Variants in SUPT3H observed in about 807,000 individuals in gnomAD.
SUPT3H encodes the protein transcription initiation protein SPT3 homolog.
A neutral mutation model predicts 44.3 loss-of-function variants in SUPT3H; 44 were observed. The ratio of observed to expected loss-of-function variants is 0.99; its 90% CI spans 0.78 to 1.28. The LOEUF is 1.28. Ranked by LOEUF, SUPT3H falls within the 50% of genes most tolerant of loss-of-function variation. The pLI is 0.00. For synonymous variants in SUPT3H, 124 were observed against 125.6 expected (o/e 0.99, Z 0.09); for missense variants, 380 against 387.1 (o/e 0.98, Z 0.15).
chr6:45,371,927 C>A, intron 1 of SUPT3H: 2 of 799,080 alleles, frequency 2.5e-6, no homozygotes, highest in Non-Finnish European at 1.5e-6. Context: ...TTGAACTGCC[C>A]AAGGACACAC....
intron 2 of SUPT3H, among the ~76,000 whole-genome samples, chr6:45,333,847 T>C (rs1788009755): frequency 6.6e-6 from 1 of 151,200 alleles, no homozygotes; most frequent in South Asian, 2.1e-4. Context: ...GGAACAAAAA[T>C]CATACCAAGG....
At chr6:45,256,656 A>C (rs1773460320) in intron 2 of SUPT3H, among the ~76,000 whole-genome samples, 1 of 152,020 alleles carries the variant, frequency 6.6e-6, no homozygotes. Flanking sequence ...TTCTGTTGGT[A>C]TAAATTTCCC....
intron 3 of SUPT3H, among the ~76,000 whole-genome samples, chr6:45,027,912 T>A (rs2153522103): frequency 6.6e-6 from 1 of 152,152 alleles, no homozygotes; most frequent in East Asian, 1.9e-4. Context: ...ACATTATGAT[T>A]CCTAAGCCTT....
chr6:44,985,208 T>TAAAAA (rs376871142), intron 6 of SUPT3H, among the ~76,000 whole-genome samples: 3 of 32,372 alleles, frequency 9.3e-5, no homozygotes, highest in African/African-American at 1.2e-4. Flanking sequence ...AATAAATAAA[T>TAAAAA]AAATAAATAA....
intron 2 of SUPT3H, among the ~76,000 whole-genome samples, chr6:45,350,644 A>G (rs1248496059): frequency 6.6e-6 from 1 of 152,182 alleles, no homozygotes; most frequent in Non-Finnish European, 1.5e-5. Flanking sequence ...ATTTCTAAAA[A>G]TAATTTCTGG....
chr6:44,968,774 C>T (rs997164208), intron 6 of SUPT3H, among the ~76,000 whole-genome samples: 1 of 152,146 alleles, frequency 6.6e-6, no homozygotes, highest in African/African-American at 2.4e-5. Flanking sequence ...CCCCACATCA[C>T]TTTCTTTTCT....
chr6:45,037,398 C>A (rs1217600909), intron 3 of SUPT3H, among the ~76,000 whole-genome samples: 1 of 151,480 alleles, frequency 6.6e-6, no homozygotes, highest in African/African-American at 2.4e-5. Context: ...TCTGTAATCC[C>A]AGCACTTTGG....
intron 10 of SUPT3H, among the ~76,000 whole-genome samples, chr6:44,850,315 T>C (rs1031826326): frequency 6.6e-6 from 1 of 152,020 alleles, no homozygotes; most frequent in African/African-American, 2.4e-5. Context: ...CCCCCTAACC[T>C]TTTTTTTCCT....
intron 7 of SUPT3H, 37 bp downstream of exon 7, chr6:44,961,716 T>C (rs1453809110): frequency 6.8e-7 from 1 of 1,471,764 alleles, no homozygotes; most frequent in Admixed American, 1.9e-5. Flanking sequence ...ACAAATCTCT[T>C]ATGCATATAA....
intron 10 of SUPT3H, among the ~76,000 whole-genome samples, chr6:44,905,652 C>T (rs1186913949): frequency 1.3e-5 from 2 of 152,062 alleles, no homozygotes. Flanking sequence ...CCATTTGACC[C>T]AGCCATCCCA....
chr6:45,309,733 T>C (rs1366669760), intron 2 of SUPT3H, among the ~76,000 whole-genome samples: 4 of 150,256 alleles, frequency 2.7e-5, no homozygotes, highest in African/African-American at 7.4e-5. Context: ...AAAGAAAAGA[T>C]CCTGAAACCA....
At chr6:45,072,139 GC>G (rs1317835522) in intron 3 of SUPT3H, among the ~76,000 whole-genome samples, 1 of 151,976 alleles carries the variant, frequency 6.6e-6, no homozygotes, top group Non-Finnish European at 1.5e-5. Context: ...CAATCAAAAG[GC>G]TCAGGCTTAG....
intron 10 of SUPT3H, among the ~76,000 whole-genome samples, chr6:44,886,827 T>C (rs949303416): frequency 6.6e-6 from 1 of 152,138 alleles, no homozygotes; most frequent in Admixed American, 6.6e-5. Context: ...ACTGGCAAAT[T>C]GGATAAAGAG....
intron 2 of SUPT3H, among the ~76,000 whole-genome samples, chr6:45,110,675 C>G (rs751180547): frequency 2.0e-5 from 3 of 151,934 alleles, no homozygotes; most frequent in Non-Finnish European, 4.4e-5. Context: ...AAGATGCTAC[C>G]CAAATATAGC....
intron 6 of SUPT3H, among the ~76,000 whole-genome samples, chr6:44,964,671 T>A (rs1294978306): frequency 6.6e-6 from 1 of 152,188 alleles, no homozygotes; most frequent in East Asian, 1.9e-4. Flanking sequence ...AGTTCTTTTT[T>A]AATTCCTCCA....
At chr6:45,036,882 G>A (rs1787754966) in intron 3 of SUPT3H, among the ~76,000 whole-genome samples, 1 of 152,108 alleles carries the variant, frequency 6.6e-6, no homozygotes, top group African/African-American at 2.4e-5. Context: ...CAGAATAGAG[G>A]AAGTCCCCAA....
chr6:45,200,098 T>C (rs1177509820), intron 2 of SUPT3H, among the ~76,000 whole-genome samples: 4 of 151,440 alleles, frequency 2.6e-5, no homozygotes, highest in Admixed American at 1.3e-4. Flanking sequence ...TTCTGTGCAA[T>C]AGAGAAAAAT....
intron 2 of SUPT3H, among the ~76,000 whole-genome samples, chr6:45,198,683 G>T (rs886401481): frequency 3.3e-5 from 5 of 150,854 alleles, no homozygotes; most frequent in African/African-American, 4.9e-5. Context: ...TTGATCCAGG[G>T]TTATTTATAA....
chr6:45,161,749 A>T (rs1018090690), intron 2 of SUPT3H, among the ~76,000 whole-genome samples: 1 of 152,136 alleles, frequency 6.6e-6, no homozygotes, highest in African/African-American at 2.4e-5. Flanking sequence ...ATTAATAAAG[A>T]CCTACTATAT....
Sources: allele counts gnomAD v4.1 joint callset (sites outside exome capture counted in the v4.1 genomes callset), GRCh38; gene constraint gnomAD v4.1.1; transcripts MANE v1.5; gene names NCBI Gene and HGNC (gene_info 2026-07-23, HGNC 2026-07-21).